Variants in AGBL4 observed in about 807,000 individuals in gnomAD.
The protein encoded by AGBL4 is cytosolic carboxypeptidase 6.
In AGBL4, 58 loss-of-function variants were observed where a neutral mutation model predicts 66.4. The observed-to-expected ratio is 0.87, with a 90% CI of 0.71 to 1.09. The LOEUF (loss-of-function observed/expected upper bound fraction) is 1.09. AGBL4 is among the 50% of genes least tolerant of loss of function. The probability of loss-of-function intolerance (pLI) is 0.00; values close to 1 mark genes in which losing one functional copy is unlikely to be tolerated. For synonymous variants in AGBL4, 234 were observed against 222.9 expected (o/e 1.05, Z -0.44); for missense variants, 579 against 631.0 (o/e 0.92, Z 0.88).
intron 6 of AGBL4, among the ~76,000 whole-genome samples, chr1:48,863,933 G>T (rs976255826): frequency 6.6e-6 from 1 of 151,876 alleles, no homozygotes; most frequent in East Asian, 1.9e-4. Context: ...ACAAGAGATC[G>T]ATAAATTCAA....
At chr1:49,236,010 A>G (rs1310164631) in intron 4 of AGBL4, among the ~76,000 whole-genome samples, 1 of 151,332 alleles carries the variant, frequency 6.6e-6, no homozygotes, top group African/African-American at 2.4e-5. Flanking sequence ...TTATTTATTT[A>G]TTTATTTATT....
intron 4 of AGBL4, among the ~76,000 whole-genome samples, chr1:49,152,333 C>T (rs1420301314): frequency 6.6e-6 from 1 of 152,106 alleles, no homozygotes; most frequent in Non-Finnish European, 1.5e-5. Flanking sequence ...TCTCCCTTTC[C>T]TTCCTTCTTC....
intron 7 of AGBL4, among the ~76,000 whole-genome samples, chr1:48,658,741 T>C (rs1343051343): frequency 6.6e-6 from 1 of 151,932 alleles, no homozygotes; most frequent in Non-Finnish European, 1.5e-5. Flanking sequence ...GAAAGCAGAA[T>C]GGGGGAGGAG....
At chr1:48,924,943 G>A (rs1654403693) in intron 5 of AGBL4, among the ~76,000 whole-genome samples, 1 of 152,122 alleles carries the variant, frequency 6.6e-6, no homozygotes, top group Admixed American at 6.6e-5. Flanking sequence ...ATGAGGTTAT[G>A]TCCCATAAAC....
intron 4 of AGBL4, among the ~76,000 whole-genome samples, chr1:49,150,407 A>G (rs1646305170): frequency 6.6e-6 from 1 of 152,326 alleles, no homozygotes; most frequent in Non-Finnish European, 1.5e-5. Flanking sequence ...AATTTTATAT[A>G]TATTCTAAAA....
chr1:49,836,355 C>T (rs1178988553), intron 2 of AGBL4, among the ~76,000 whole-genome samples: 2 of 152,094 alleles, frequency 1.3e-5, no homozygotes, highest in Non-Finnish European at 2.9e-5. Context: ...TCTTTTTCCG[C>T]TTGATCAATT....
At chr1:49,327,168 G>A (rs1474128029) in intron 3 of AGBL4, among the ~76,000 whole-genome samples, 2 of 152,094 alleles carry the variant, frequency 1.3e-5, no homozygotes, top group African/African-American at 4.8e-5. Context: ...TCTCATCTCA[G>A]AATCCTTAAT....
intron 5 of AGBL4, among the ~76,000 whole-genome samples, chr1:48,910,370 A>G (rs12029189): frequency 0.095 from 14,475 of 152,254 alleles, 762 homozygotes; most frequent in Non-Finnish European, 0.11. Context: ...ATTTAAAGCC[A>G]TTTTTAGTTG....
chr1:48,851,914 T>TA (rs201548177), intron 6 of AGBL4, among the ~76,000 whole-genome samples: 3,358 of 94,078 alleles, frequency 0.036, 48 homozygotes, highest in Non-Finnish European at 0.057. Flanking sequence ...TTGAGAAAAA[T>TA]AAAAAACAAA....
chr1:49,216,337 G>C (rs1003687007), intron 4 of AGBL4, among the ~76,000 whole-genome samples: 2 of 152,078 alleles, frequency 1.3e-5, no homozygotes, highest in Non-Finnish European at 2.9e-5. Flanking sequence ...TAAGGTTTGG[G>C]ATATGAATGA....
intron 2 of AGBL4, among the ~76,000 whole-genome samples, chr1:49,822,648 T>C (rs1474320704): frequency 6.6e-6 from 1 of 152,186 alleles, no homozygotes; most frequent in Non-Finnish European, 1.5e-5. Flanking sequence ...CACATTGATA[T>C]CTTACTCCAA....
intron 4 of AGBL4, among the ~76,000 whole-genome samples, chr1:49,148,665 T>C (rs560623754): frequency 3.3e-5 from 5 of 152,320 alleles, no homozygotes; most frequent in African/African-American, 9.6e-5. Context: ...CGTGCCTAAC[T>C]TGAAATTTTC....
chr1:48,964,880 C>T (rs1571114873), intron 5 of AGBL4, among the ~76,000 whole-genome samples: 1 of 152,010 alleles, frequency 6.6e-6, no homozygotes, highest in East Asian at 1.9e-4. Context: ...GATTTAAACA[C>T]TAAGGCAACT....
At chr1:49,075,936 T>C (rs2147945621) in intron 4 of AGBL4, among the ~76,000 whole-genome samples, 1 of 152,318 alleles carries the variant, frequency 6.6e-6, no homozygotes, top group Non-Finnish European at 1.5e-5. Flanking sequence ...AACAAACTGT[T>C]GGGTAGGTAC....
chr1:49,280,418 T>C (rs981962737), intron 3 of AGBL4, among the ~76,000 whole-genome samples: 1 of 152,176 alleles, frequency 6.6e-6, no homozygotes, highest in African/African-American at 2.4e-5. Context: ...AGCCCATCAC[T>C]CACTGCCTAA....
chr1:48,760,058 CAAACAGAGCCA>C (rs1300350327), intron 6 of AGBL4, among the ~76,000 whole-genome samples: 1 of 152,180 alleles, frequency 6.6e-6, no homozygotes, highest in Non-Finnish European at 1.5e-5. Flanking sequence ...TAGTGAGATA[CAAACAGAGCCA>C]AAACCAGAAT....
chr1:48,622,635 C>G (rs954055795), intron 9 of AGBL4, among the ~76,000 whole-genome samples: 3 of 151,946 alleles, frequency 2.0e-5, no homozygotes, highest in African/African-American at 7.3e-5. Context: ...AGGCACCCAC[C>G]ACCATGCCTG....
At chr1:49,582,125 C>G (rs1255611712) in intron 3 of AGBL4, among the ~76,000 whole-genome samples, 1 of 152,136 alleles carries the variant, frequency 6.6e-6, no homozygotes, top group Non-Finnish European at 1.5e-5. Context: ...GGATGGGCTA[C>G]AAATCTCTCA....
In AGBL4 at chr1:48,952,863, A is replaced by AT. The variant is rs200833999; in HGVS notation, c.595-85634dup. On this transcript the variant is annotated intron_variant, in intron 5 of 13. Transcript: ENST00000371839. ...TAAACCATTATGAGATTTTTTTGTG[A>AT]TTTTTTTTTTTAGCTCATCAGCTAT... Among the ~76,000 whole-genome samples the AT allele has an allele frequency of 4.4e-3, 647 of 147,696 alleles. 4 individuals are homozygous for AT. The highest frequency in any genetic ancestry group is 0.014 in the African/African-American group (553 of 40,274).
Sources: gnomAD v4.1 joint callset for allele counts (sites outside exome capture counted in the v4.1 genomes callset) on GRCh38, gnomAD v4.1.1 for gene constraint, MANE v1.5 for transcripts, NCBI Gene and HGNC (gene_info 2026-07-23, HGNC 2026-07-21) for gene names.